IRS1: variants seen among roughly 807,000 people sequenced by gnomAD.
IRS1 encodes the protein insulin receptor substrate 1.
IRS1 carries 34 observed loss-of-function variants against 65.6 expected under a neutral mutation model. The observed-to-expected ratio is 0.52, with a 90% CI of 0.39 to 0.69. The LOEUF (loss-of-function observed/expected upper bound fraction) is 0.69. Ranked by LOEUF, IRS1 falls within the 30% of genes least tolerant of loss-of-function variation. IRS1 has a pLI of 0.00. For missense variants in IRS1, 1,641 were observed against 1,720.2 expected (o/e 0.95, Z 0.81); for synonymous variants, 699 against 683.5 (o/e 1.02, Z -0.35).
At chr2:226,786,906 G>T (rs976047145) in intron 1 of IRS1, among the ~76,000 whole-genome samples, 1 of 151,824 alleles carries the variant, frequency 6.6e-6, no homozygotes, top group Non-Finnish European at 1.5e-5. Flanking sequence ...AATTATACTT[G>T]CAGCCAGAAG....
In IRS1 at chr2:226,798,638, G is replaced by C; in HGVS notation, c.101C>G (p.Ala34Gly). ...SMHKRFFVLRAASEAGGPARL... is the reference protein window; with the variant it reads ...SMHKRFFVLRGASEAGGPARL... ...CGCCGGGCCCCCAGCCTCGCTGGCCGCGCGCAGTACGAAGAAGCGTTTGTG... is the reference window on the plus strand; with the variant it reads ...CGCCGGGCCCCCAGCCTCGCTGGCCCCGCGCAGTACGAAGAAGCGTTTGTG... The change falls in exon 1 of 2, where the codon GCG (alanine) becomes GGG (glycine). Residue 34 changes from alanine (A) to glycine (G), a missense_variant. Ala to Gly is a moderately conservative substitution (Grantham distance 60). Coordinates refer to ENST00000305123, the MANE Select transcript of IRS1 (RefSeq NM_005544.3). This position sits in a 1 kb window ranked among gnomAD's most constrained non-coding sequence, Gnocchi z 9.4. The C allele has an allele frequency of 1.2e-6, 2 of 1,613,058 alleles. No individual in the cohort carries two copies. Among genetic ancestry groups the C allele is most frequent in the Non-Finnish European group, 1.7e-6 (2 of 1,179,572 alleles).
At position 226,796,373 on chromosome 2, in the gene IRS1, A is replaced by C; in HGVS notation, c.2366T>G (p.Leu789Arg). 1 of 1,613,352 alleles carries C rather than the reference A, an allele frequency of 6.2e-7. No homozygotes were observed. Among genetic ancestry groups the C allele is most frequent in the Admixed American group, 1.7e-5 (1 of 60,034 alleles). The part of the protein sequence containing the change: ...EPEEGARHQH[L>R]RLSTSSGRLL... ...GCGACCAGAGCTAGTGGAAAGGCGGAGGTGCTGATGCCGGGCACCCTCCTC... is the reference window on the plus strand; with the variant it reads ...GCGACCAGAGCTAGTGGAAAGGCGGCGGTGCTGATGCCGGGCACCCTCCTC... The change falls in exon 1 of 2, where the codon CTC becomes CGC. Residue 789 changes from leucine (L) to arginine (R), a missense_variant. Leu to Arg is a moderately radical substitution (Grantham distance 102, BLOSUM62 -2). Transcript: ENST00000305123.
intron 1 of IRS1, among the ~76,000 whole-genome samples, chr2:226,781,865 TACACACACACAC>T (rs34695433): frequency 1.3e-4 from 17 of 131,502 alleles, no homozygotes; most frequent in African/African-American, 2.8e-4. Flanking sequence ...CACCCCTAAA[TACACACACACAC>T]ACACACACAC....
chr2:226,768,753 C>A (rs1208770108), intron 1 of IRS1, among the ~76,000 whole-genome samples: 1 of 152,178 alleles, frequency 6.6e-6, no homozygotes, highest in Non-Finnish European at 1.5e-5. Context: ...TCTCCTGCCT[C>A]AGCCTCCGGA....
At chr2:226,765,022 C>T (rs1939004486) in intron 1 of IRS1, among the ~76,000 whole-genome samples, 1 of 152,212 alleles carries the variant, frequency 6.6e-6, no homozygotes, top group African/African-American at 2.4e-5. Context: ...TATTTCACTC[C>T]TTTTGAATTA....
At chr2:226,779,445 G>A (rs1335489634) in intron 1 of IRS1, among the ~76,000 whole-genome samples, 2 of 152,130 alleles carry the variant, frequency 1.3e-5, no homozygotes, top group Admixed American at 6.5e-5. Flanking sequence ...TCATTCCACT[G>A]AGCATTCAAA....
chr2:226,756,208 G>A (rs527566340), intron 1 of IRS1, among the ~76,000 whole-genome samples: 14 of 152,240 alleles, frequency 9.2e-5, no homozygotes, highest in African/African-American at 3.1e-4. Context: ...TCTTATACCC[G>A]CATGTCTAAG....
intron 1 of IRS1, among the ~76,000 whole-genome samples, chr2:226,750,083 C>G (rs1218884513): frequency 6.6e-6 from 1 of 151,894 alleles, no homozygotes; most frequent in African/African-American, 2.4e-5. Flanking sequence ...AATCTTGTCT[C>G]TACTAAAAAT....
At chr2:226,778,541 T>TAA (rs111466121) in intron 1 of IRS1, among the ~76,000 whole-genome samples, 1 of 145,684 alleles carries the variant, frequency 6.9e-6, no homozygotes, top group African/African-American at 2.5e-5. Flanking sequence ...TAACAGAATT[T>TAA]AAAAAAAAAA....
rs200073898 is a variant in IRS1, at chr2:226,796,121, C to G, written c.2618G>C (p.Arg873Pro). ...LGDPKASTLP[R>P]AREQQQQQQP... Reference sequence around the variant, plus strand: ...CTGCTGCTGCTGCTGCTCTCGGGCCCGAGGTAAGGTGCTGGCCTTGGGATC... The same window carrying G: ...CTGCTGCTGCTGCTGCTCTCGGGCCGGAGGTAAGGTGCTGGCCTTGGGATC... The change falls in exon 1 of 2, where the codon CGG becomes CCG. Residue 873 changes from arginine (R) to proline (P), a missense_variant. Arg to Pro is a moderately radical substitution (Grantham distance 103). This residue lies in a region of IRS1 where 1,324 missense variants were observed against 1,361.0 expected (regional missense o/e 0.97). Transcript: ENST00000305123. The G allele has an allele frequency of 2.5e-6, 4 of 1,613,590 alleles. No homozygotes were observed. Among genetic ancestry groups the G allele is most frequent in the Non-Finnish European group, 3.4e-6 (4 of 1,180,034 alleles).
intron 1 of IRS1, among the ~76,000 whole-genome samples, chr2:226,791,896 C>G (rs1453738985): frequency 6.6e-6 from 1 of 152,066 alleles, no homozygotes; most frequent in Non-Finnish European, 1.5e-5. Flanking sequence ...GGCGGTCTGG[C>G]TGCAGATTCC....
At chr2:226,783,226 C>G (rs532596473) in intron 1 of IRS1, among the ~76,000 whole-genome samples, 1 of 152,134 alleles carries the variant, frequency 6.6e-6, no homozygotes, top group African/African-American at 2.4e-5. Context: ...TAAAAAGATG[C>G]CATCAAGACC....
chr2:226,799,390 T>C lies in IRS1; in HGVS notation c.-652A>G, dbSNP rs1254549172. 94 of 1,259,712 alleles carry C rather than the reference T, an allele frequency of 7.5e-5. 1 individual carries two copies. Among genetic ancestry groups the C allele is most frequent in the Non-Finnish European group, 8.7e-5 (84 of 969,066 alleles). The allele number at this position is 1,259,712 out of a possible 1,614,324, so 78.0% of individuals were successfully genotyped here. ...TTGCTGCTGCTGCTGCTGCTGCTGC[T>C]GCCGCCGCCCGCGGGCGCGTCCTCT... On this transcript the variant is annotated 5_prime_UTR_variant, in exon 1 of 2. Transcript: ENST00000305123. This position sits in a 1 kb window ranked among gnomAD's most constrained non-coding sequence, Gnocchi z 6.1.
intron 1 of IRS1, among the ~76,000 whole-genome samples, chr2:226,741,649 C>T (rs566446028): frequency 6.6e-6 from 1 of 152,068 alleles, no homozygotes; most frequent in Non-Finnish European, 1.5e-5. Flanking sequence ...CACAATTCTT[C>T]AGTTACCTCA....
intron 1 of IRS1, among the ~76,000 whole-genome samples, chr2:226,779,129 T>C (rs1939332799): frequency 6.6e-6 from 1 of 152,218 alleles, no homozygotes; most frequent in African/African-American, 2.4e-5. Context: ...TACAACCATT[T>C]GAGTCTTCAA....
At chr2:226,757,002 T>TAAAA (rs1553529998) in intron 1 of IRS1, among the ~76,000 whole-genome samples, 137 of 147,198 alleles carry the variant, frequency 9.3e-4, no homozygotes, top group Admixed American at 2.2e-3. Flanking sequence ...AATAAATAAA[T>TAAAA]AAAATACAAT....
In IRS1 at chr2:226,799,035, C is replaced by T; in HGVS notation, c.-297G>A. The T allele has an allele frequency of 1.5e-6, 2 of 1,362,960 alleles. No homozygotes were observed. Among genetic ancestry groups the T allele is most frequent in the Non-Finnish European group, 1.9e-6 (2 of 1,049,300 alleles). The allele number at this position is 1,362,960 out of a possible 1,614,324, so 84.4% of individuals were successfully genotyped here. A position where few individuals can be genotyped will look rare whatever the true frequency, so the allele number is the denominator to read the frequency against. ...CTCCGAGAGCCAAGTCTCCTCTCAG[C>T]CGCCGCCGCCACCAGGAAGGAGCGA... On this transcript the variant is annotated 5_prime_UTR_variant, in exon 1 of 2. Transcript: ENST00000305123. The surrounding 1 kb of genome is among the most constrained non-coding windows in gnomAD (Gnocchi z 6.1).
intron 1 of IRS1, among the ~76,000 whole-genome samples, chr2:226,774,814 G>T (rs567532370): frequency 1.3e-5 from 2 of 152,314 alleles, no homozygotes; most frequent in Non-Finnish European, 2.9e-5. Flanking sequence ...ACTGCATATT[G>T]CTAAGTAAAC....
Position 226,742,713 on chromosome 2 carries a change from G to GGAAAAAAAAAAAAAA in IRS1, c.*22-6464_*22-6463insTTTTTTTTTTTTTTC, listed in dbSNP as rs889878007. Among the ~76,000 whole-genome samples the GGAAAAAAAAAAAAAA allele has an allele frequency of 6.6e-3, 815 of 124,406 alleles. 13 individuals carry two copies. Among genetic ancestry groups the GGAAAAAAAAAAAAAA allele is most frequent in the African/African-American group, 0.022 (776 of 35,700 alleles). The allele number at this position is 124,406 out of a possible 152,430, so 81.6% of individuals were successfully genotyped here. A position where few individuals can be genotyped will look rare whatever the true frequency, so the allele number is the denominator to read the frequency against. ...CAATGAAGAAAGGCACACGCATTAT[G>GGAAAAAAAAAAAAAA]AAAAAAAAAAAAAAGAAGACCGAAA... On this transcript the variant is annotated intron_variant, in intron 1 of 1. Coordinates refer to ENST00000305123, the MANE Select transcript of IRS1 (RefSeq NM_005544.3).
Sources: allele counts gnomAD v4.1 joint callset (sites outside exome capture counted in the v4.1 genomes callset), GRCh38; gene constraint gnomAD v4.1.1; regional missense constraint gnomAD v4.1.1; non-coding constraint Gnocchi (gnomAD v3.1); transcripts MANE v1.5; gene names NCBI Gene and HGNC (gene_info 2026-07-23, HGNC 2026-07-21).